Variants in NRCAM observed in about 807,000 individuals in gnomAD.
The protein encoded by NRCAM is NgCAM-related cell adhesion molecule.
In NRCAM, 83 loss-of-function variants were observed where a neutral mutation model predicts 156.5. The observed-to-expected ratio is 0.53, with a 90% CI of 0.44 to 0.64. The LOEUF (loss-of-function observed/expected upper bound fraction) is 0.64. NRCAM is among the 30% of genes least tolerant of loss of function. The pLI, the probability that NRCAM is intolerant of heterozygous loss-of-function variation, is 0.00. For synonymous variants in NRCAM, 538 were observed against 563.9 expected (o/e 0.95, Z 0.65); for missense variants, 1,417 against 1,597.3 (o/e 0.89, Z 1.92).
chr7:108,181,797 C>A, intron 24 of NRCAM, 25 bp downstream of exon 24: 1 of 1,536,708 alleles, frequency 6.5e-7, no homozygotes, highest in South Asian at 1.1e-5. Flanking sequence ...CTAAATAAAG[C>A]CACAAAAGGT....
intron 2 of NRCAM, among the ~76,000 whole-genome samples, chr7:108,332,965 A>C (rs908184511): frequency 6.6e-6 from 1 of 152,208 alleles, no homozygotes; most frequent in Admixed American, 6.5e-5. Context: ...AAAAGGATCA[A>C]ATCTATGCAA....
chr7:108,275,533 T>C (rs2097561599), intron 3 of NRCAM, among the ~76,000 whole-genome samples: 1 of 152,252 alleles, frequency 6.6e-6, no homozygotes, highest in Admixed American at 6.5e-5. Context: ...TAGAGGTGTT[T>C]ATAGTATTCT....
At chr7:108,393,468 C>T (rs1389462627) in intron 2 of NRCAM, among the ~76,000 whole-genome samples, 2 of 152,226 alleles carry the variant, frequency 1.3e-5, no homozygotes, top group African/African-American at 4.8e-5. Context: ...CCCGATTTTC[C>T]AGGTGCCATC....
At chr7:108,375,006 G>T (rs2099667516) in intron 2 of NRCAM, among the ~76,000 whole-genome samples, 1 of 152,090 alleles carries the variant, frequency 6.6e-6, no homozygotes, top group Non-Finnish European at 1.5e-5. Flanking sequence ...CAGATGTCAT[G>T]AATTAAATAC....
At chr7:108,307,301 T>C (rs2098731154) in intron 3 of NRCAM, among the ~76,000 whole-genome samples, 1 of 152,194 alleles carries the variant, frequency 6.6e-6, no homozygotes, top group Admixed American at 6.5e-5. Flanking sequence ...AAGGAATGCA[T>C]TAATCAACAC....
intron 2 of NRCAM, among the ~76,000 whole-genome samples, chr7:108,318,486 G>A (rs2098958927): frequency 6.6e-6 from 1 of 152,176 alleles, no homozygotes; most frequent in African/African-American, 2.4e-5. Flanking sequence ...GAGGCTGTTA[G>A]ATTCCCTTTC....
At chr7:108,244,674 C>T (rs1399145547) in intron 3 of NRCAM, among the ~76,000 whole-genome samples, 1 of 152,110 alleles carries the variant, frequency 6.6e-6, no homozygotes, top group Non-Finnish European at 1.5e-5. Context: ...TGATAATGAT[C>T]AAACAAGACA....
chr7:108,193,096 C>T (rs1315183065), intron 17 of NRCAM, among the ~76,000 whole-genome samples: 1 of 152,182 alleles, frequency 6.6e-6, no homozygotes, highest in Non-Finnish European at 1.5e-5. Context: ...AGTCATGGCT[C>T]ACTGGAGTCT....
intron 11 of NRCAM, among the ~76,000 whole-genome samples, chr7:108,216,965 T>C (rs1239338099): frequency 6.6e-6 from 1 of 152,078 alleles, no homozygotes; most frequent in Admixed American, 6.6e-5. Context: ...TGCTGGTGAG[T>C]AGTTGTGATC....
intron 8 of NRCAM, among the ~76,000 whole-genome samples, chr7:108,229,047 T>C (rs2093934870): frequency 6.6e-6 from 1 of 152,232 alleles, no homozygotes; most frequent in South Asian, 2.1e-4. Flanking sequence ...ATATGTCTTG[T>C]GAGTGCACAG....
intron 3 of NRCAM, among the ~76,000 whole-genome samples, chr7:108,284,220 G>C (rs2097981151): frequency 6.6e-6 from 1 of 152,012 alleles, no homozygotes. Flanking sequence ...TCTGATGTTT[G>C]AACTACTCTC....
chr7:108,440,447 T>G (rs1837282243), intron 1 of NRCAM, among the ~76,000 whole-genome samples: 1 of 152,172 alleles, frequency 6.6e-6, no homozygotes, highest in South Asian at 2.1e-4. Flanking sequence ...TTTTCTACAT[T>G]CATCAACCAT....
chr7:108,425,210 T>C (rs551020469), intron 1 of NRCAM, among the ~76,000 whole-genome samples: 1 of 152,264 alleles, frequency 6.6e-6, no homozygotes, highest in East Asian at 1.9e-4. Context: ...ATTAGTAAGA[T>C]TATAAGAAAA....
chr7:108,348,402 T>C (rs986209991), intron 2 of NRCAM, among the ~76,000 whole-genome samples: 4 of 152,078 alleles, frequency 2.6e-5, no homozygotes, highest in African/African-American at 9.7e-5. Context: ...AAATAAGCCT[T>C]ATCTGCCAAG....
At chr7:108,408,488 G>A (rs751013115) in intron 1 of NRCAM, among the ~76,000 whole-genome samples, 15 of 152,228 alleles carry the variant, frequency 9.9e-5, no homozygotes, top group Non-Finnish European at 1.9e-4. Context: ...AAGAATGTGA[G>A]AAAAGCTGTC....
intron 30 of NRCAM, among the ~76,000 whole-genome samples, chr7:108,163,505 T>A (rs958711491): frequency 1.3e-5 from 2 of 152,208 alleles, no homozygotes; most frequent in Non-Finnish European, 2.9e-5. Context: ...CATCAAACGC[T>A]TAGATGTGTT....
At chr7:108,319,789 C>A (rs751053104) in intron 2 of NRCAM, among the ~76,000 whole-genome samples, 1 of 152,040 alleles carries the variant, frequency 6.6e-6, no homozygotes, top group Admixed American at 6.5e-5. Context: ...TAATTGGGCA[C>A]AAAATGAGAA....
At chr7:108,165,921 T>C (rs540913392) in intron 30 of NRCAM, among the ~76,000 whole-genome samples, 32 of 152,360 alleles carry the variant, frequency 2.1e-4, no homozygotes, top group African/African-American at 7.7e-4. Context: ...AGAGTGAACA[T>C]GTACCACAAA....
intron 2 of NRCAM, among the ~76,000 whole-genome samples, chr7:108,374,153 G>T (rs559034962): frequency 2.0e-5 from 3 of 152,278 alleles, no homozygotes; most frequent in African/African-American, 7.2e-5. Context: ...TTCCTGAAAA[G>T]TACATGAGAG....
Sources: allele counts gnomAD v4.1 joint callset (sites outside exome capture counted in the v4.1 genomes callset), GRCh38; gene constraint gnomAD v4.1.1; transcripts MANE v1.5; gene names NCBI Gene and HGNC (gene_info 2026-07-23, HGNC 2026-07-21).